Variants in AUTS2 observed in about 807,000 individuals in gnomAD.
AUTS2 encodes the protein activator of transcription and developmental regulator AUTS2, also known as autism susceptibility gene 2 protein.
Under a neutral mutation model 112.4 loss-of-function variants are expected in AUTS2, and 17 were observed. The observed-to-expected ratio is 0.15, with a 90% confidence interval of 0.10 to 0.23. The LOEUF (loss-of-function observed/expected upper bound fraction) is 0.23. Among genes scored for constraint, AUTS2 ranks in the 10% least tolerant of loss-of-function variants. The pLI is 1.00. For missense variants in AUTS2, 1,510 were observed against 1,701.6 expected, an observed-to-expected ratio of 0.89 and a Z score of 1.98; for synonymous variants, 751 against 702.7, an observed-to-expected ratio of 1.07 and a Z score of -1.09.
At chr7:69,876,010 T>G (rs1438026417) in intron 1 of AUTS2, among the ~76,000 whole-genome samples, 1 of 152,074 alleles carries the variant, frequency 6.6e-6, no homozygotes, top group African/African-American at 2.4e-5. Context: ...AATCTAGAAT[T>G]CATTTGATAG....
intron 2 of AUTS2, among the ~76,000 whole-genome samples, chr7:70,014,259 G>T (rs1275066273): frequency 6.6e-6 from 1 of 152,150 alleles, no homozygotes; most frequent in Admixed American, 6.5e-5. Context: ...AGCTTAAAGA[G>T]GCATACACTT....
intron 1 of AUTS2, among the ~76,000 whole-genome samples, chr7:69,884,067 A>G (rs988740785): frequency 6.6e-6 from 1 of 152,184 alleles, no homozygotes; most frequent in Non-Finnish European, 1.5e-5. Flanking sequence ...ATGTCATAAC[A>G]CATGCTTCTT....
At chr7:70,163,344 T>TC (rs1491523217) in intron 4 of AUTS2, among the ~76,000 whole-genome samples, 1 of 2,796 alleles carries the variant, frequency 3.6e-4, no homozygotes, top group Non-Finnish European at 1.4e-3. Flanking sequence ...GTTGTGGTGG[T>TC]GGGGGGGGGG....
At chr7:69,655,695 G>A (rs1203414518) in intron 1 of AUTS2, among the ~76,000 whole-genome samples, 1 of 152,158 alleles carries the variant, frequency 6.6e-6, no homozygotes, top group East Asian at 1.9e-4. Flanking sequence ...CTAGTGGTGG[G>A]ATAGTTGGCT....
intron 5 of AUTS2, among the ~76,000 whole-genome samples, chr7:70,649,943 T>A (rs1021487404): frequency 6.6e-6 from 1 of 152,132 alleles, no homozygotes; most frequent in Non-Finnish European, 1.5e-5. Flanking sequence ...AGCCAAGACA[T>A]TCCAGCCACA....
At chr7:70,521,901 T>C (rs1799661190) in intron 5 of AUTS2, among the ~76,000 whole-genome samples, 1 of 152,168 alleles carries the variant, frequency 6.6e-6, no homozygotes. Flanking sequence ...AGTTTCCTCA[T>C]CTATAAAATG....
chr7:70,492,351 C>A (rs566682465), intron 5 of AUTS2, among the ~76,000 whole-genome samples: 1 of 151,902 alleles, frequency 6.6e-6, no homozygotes, highest in South Asian at 2.1e-4. Context: ...CTGATGCTGG[C>A]GAGAGGGGAG....
intron 4 of AUTS2, among the ~76,000 whole-genome samples, chr7:70,250,288 C>G (rs1159323660): frequency 6.6e-6 from 1 of 152,122 alleles, no homozygotes; most frequent in Non-Finnish European, 1.5e-5. Context: ...TTTTCCTTCT[C>G]TTAGTGTTTC....
Position 70,791,196 on chromosome 7 carries a change from C to G in AUTS2, c.*200C>G, listed in dbSNP as rs1585705079. 2 of 509,320 alleles carry G rather than the reference C, an allele frequency of 3.9e-6. No individual in the cohort carries two copies. Among genetic ancestry groups the G allele is most frequent in the South Asian group, 1.0e-4 (1 of 10,042 alleles). 31.6% of individuals were successfully genotyped at this position (509,320 alleles called of 1,614,324 possible). On this transcript the variant is annotated 3_prime_UTR_variant, in exon 19 of 19. Transcript: ENST00000342771. ...GTTGAGATTTTTCAGATCTTTTAGC[C>G]CAGTCATATGTTCTCACGTCTCCTA... is the stretch of plus-strand genomic sequence containing the variant.
At chr7:70,297,610 A>G (rs888533068) in intron 4 of AUTS2, among the ~76,000 whole-genome samples, 4 of 149,860 alleles carry the variant, frequency 2.7e-5, no homozygotes, top group African/African-American at 9.8e-5. Flanking sequence ...TTTTTTTTAT[A>G]TTTGTAGTAG....
At position 69,640,685 on chromosome 7, in the gene AUTS2, G is replaced by A. The variant is rs1341614682; in HGVS notation, c.309+40723G>A. Among the ~76,000 whole-genome samples, 3 of 152,174 alleles carry A rather than the reference G, an allele frequency of 2.0e-5. No homozygotes were observed. In the East Asian group the frequency reaches 5.8e-4, roughly 29 times the overall value. ...CCTTCAAATATTTTGGTTTAACCCA[G>A]CATTTTTGAAATTCATTTGACCTCA... On this transcript the variant is annotated intron_variant, in intron 1 of 18. Coordinates refer to ENST00000342771, the MANE Select transcript of AUTS2 (RefSeq NM_015570.4).
intron 4 of AUTS2, among the ~76,000 whole-genome samples, chr7:70,401,869 G>A (rs1794340163): frequency 6.6e-6 from 1 of 152,216 alleles, no homozygotes; most frequent in Non-Finnish European, 1.5e-5. Flanking sequence ...GGTTAACGCT[G>A]TATAGGACCA....
intron 4 of AUTS2, among the ~76,000 whole-genome samples, chr7:70,182,760 T>C (rs949022233): frequency 7.2e-5 from 11 of 152,090 alleles, no homozygotes; most frequent in African/African-American, 2.7e-4. Flanking sequence ...AAACTGGCTT[T>C]AGTAAGAGAG....
At chr7:70,318,472 C>T (rs1338366516) in intron 4 of AUTS2, among the ~76,000 whole-genome samples, 5 of 152,076 alleles carry the variant, frequency 3.3e-5, no homozygotes, top group African/African-American at 1.2e-4. Context: ...ACCTTAAGAA[C>T]CTACAAACCT....
chr7:70,366,784 G>A (rs543433920), intron 4 of AUTS2, among the ~76,000 whole-genome samples: 9 of 152,282 alleles, frequency 5.9e-5, no homozygotes, highest in African/African-American at 1.9e-4. Flanking sequence ...AAAGAGGAGA[G>A]GAGGTAAGGG....
intron 1 of AUTS2, among the ~76,000 whole-genome samples, chr7:69,833,342 T>C (rs559587502): frequency 6.6e-6 from 1 of 152,338 alleles, no homozygotes; most frequent in Non-Finnish European, 1.5e-5. Flanking sequence ...CTGATTATTA[T>C]ATAATTATAA....
At chr7:70,707,995 A>C (rs527243572) in intron 6 of AUTS2, among the ~76,000 whole-genome samples, 2 of 152,158 alleles carry the variant, frequency 1.3e-5, no homozygotes, top group African/African-American at 4.8e-5. Context: ...GGAGGCTGAG[A>C]GCACATCATT....
At chr7:70,298,064 C>T (rs1418295754) in intron 4 of AUTS2, among the ~76,000 whole-genome samples, 2 of 151,814 alleles carry the variant, frequency 1.3e-5, no homozygotes, top group Non-Finnish European at 2.9e-5. Flanking sequence ...CGGAATCTCA[C>T]TTTTTTGCTG....
chr7:70,452,966 G>T (rs1459874565), intron 5 of AUTS2, among the ~76,000 whole-genome samples: 2 of 152,092 alleles, frequency 1.3e-5, no homozygotes, highest in Non-Finnish European at 2.9e-5. Context: ...GAGATTTTAA[G>T]TATCTTCTCC....
Sources: allele counts gnomAD v4.1 joint callset (sites outside exome capture counted in the v4.1 genomes callset), GRCh38; gene constraint gnomAD v4.1.1; transcripts MANE v1.5; gene names NCBI Gene and HGNC (gene_info 2026-07-23, HGNC 2026-07-21).